Variants in CLU observed in about 807,000 individuals in gnomAD.
CLU encodes clusterin.
Under a neutral mutation model 46.4 loss-of-function variants are expected in CLU, and 25 were observed. The observed-to-expected ratio is 0.54, with a 90% CI of 0.39 to 0.75. The LOEUF (loss-of-function observed/expected upper bound fraction) is 0.75, where lower values mean the gene tolerates loss of function less well. Ranked by LOEUF, CLU falls within the 30% of genes least tolerant of loss-of-function variation. The pLI, the probability that CLU is intolerant of heterozygous loss-of-function variation, is 0.00. For missense variants in CLU, 504 were observed against 592.1 expected (o/e 0.85, Z 1.54); for synonymous variants, 235 against 235.1 (o/e 1.00, Z 0.00).
chr8:27,598,492 C>G lies in CLU; in HGVS notation c.1308G>C (p.Glu436Asp). 1 of 1,614,130 alleles carries G rather than the reference C, an allele frequency of 6.2e-7. No homozygotes were observed. The highest frequency in any genetic ancestry group is 8.5e-7 in the Non-Finnish European group (1 of 1,180,036). The change falls in exon 8 of 9, where the codon GAG becomes GAC. Residue 436 changes from glutamate (E) to aspartate (D), a missense_variant. Around this residue, in one of 3 missense-constraint regions of CLU, gnomAD observed 428 missense variants for 484.0 expected, o/e 0.88. Transcript: ENST00000316403. The stretch of plus-strand genomic sequence containing the variant: ...TTTTGCGGTATTCCTGCAGCGCTTT[C>G]TCCGCCACGGTCTCCATAAATTTAG... ...KNPKFMETVA[E>D]KALQEYRKKH... is the part of the protein sequence containing the mutation.
At chr8:27,613,823 TC>T (rs1465443535) in intron 1 of CLU, 4 of 152,230 alleles carry the variant, frequency 2.6e-5, no homozygotes, top group African/African-American at 9.7e-5. Flanking sequence ...TTCATGGGCA[TC>T]TTTTTTTATA....
At chr8:27,613,500 A>G (rs1800965313) in intron 1 of CLU, 1 of 152,224 alleles carries the variant, frequency 6.6e-6, no homozygotes, top group African/African-American at 2.4e-5. Context: ...TGAGGGTTTC[A>G]ATCCCAAAGC....
intron 1 of CLU, among the ~76,000 whole-genome samples, chr8:27,612,340 T>C (rs915739924): frequency 1.3e-5 from 2 of 152,188 alleles, no homozygotes; most frequent in Non-Finnish European, 2.9e-5. Context: ...AGTTTCTTCA[T>C]CTGTAAAATG....
chr8:27,603,205 T>C (rs1459512295), intron 6 of CLU, among the ~76,000 whole-genome samples: 1 of 152,194 alleles, frequency 6.6e-6, no homozygotes, highest in Non-Finnish European at 1.5e-5. Context: ...GACCCTAACA[T>C]GACTTTCTTG....
chr8:27,611,119 G>A, intron 1 of CLU: 1 of 439,656 alleles, frequency 2.3e-6, no homozygotes. Flanking sequence ...CCACAGCGCT[G>A]CAGCCCCCAG....
At chr8:27,611,801 A>G (rs1267089724) in intron 1 of CLU, 1 of 455,776 alleles carries the variant, frequency 2.2e-6, no homozygotes, top group Non-Finnish European at 4.4e-6. Flanking sequence ...TTCCCCAGAG[A>G]TGGGGTAGGG....
At position 27,605,165 on chromosome 8, in the gene CLU, G is replaced by A; in HGVS notation, c.588C>T (p.Phe196=). The A allele has an allele frequency of 6.2e-7, 1 of 1,614,228 alleles. No homozygotes were observed. The highest frequency in any genetic ancestry group is 8.5e-7 in the Non-Finnish European group (1 of 1,180,038). Residue 196 remains phenylalanine (F), a synonymous_variant, in exon 5 of 9, where the codon TTC becomes TTT. Transcript: ENST00000316403. ...GGTAGGTATCCTGGGGCTCCCGGGT[G>A]AAGAACCTGTCCTGGAAGAGCTCGT... is the stretch of plus-strand genomic sequence containing the variant. ...IIDELFQDRF[F]TREPQDTYHY...
At chr8:27,604,222 G>T (rs1387005789) in intron 6 of CLU, 69 bp downstream of exon 6, 1 of 1,219,072 alleles carries the variant, frequency 8.2e-7, no homozygotes, top group East Asian at 2.3e-5. Flanking sequence ...GGCAGCACCA[G>T]TGAGGCCCCA....
In CLU at chr8:27,606,587, C is replaced by T; in HGVS notation, c.247-63G>A. 4 of 1,597,846 alleles carry T rather than the reference C, an allele frequency of 2.5e-6. No individual in the cohort carries two copies. In the South Asian group the frequency reaches 4.4e-5, roughly 18 times the overall value. ...ACCACAGGCTCATGCACTCAAAGAGCTGCTGGGTGCCAGGCCCTCTGCCCC... is the reference window on the plus strand; with the variant it reads ...ACCACAGGCTCATGCACTCAAAGAGTTGCTGGGTGCCAGGCCCTCTGCCCC... On this transcript the variant is annotated intron_variant, in intron 3 of 8. Transcript: ENST00000316403.
intron 3 of CLU, 33 bp from the exon 4 acceptor site, chr8:27,606,557 C>A: frequency 6.2e-7 from 1 of 1,613,088 alleles, no homozygotes; most frequent in African/African-American, 1.3e-5. Flanking sequence ...CTGAGCCACA[C>A]AGAGACCACA....
intron 2 of CLU, 76 bp from the exon 3 acceptor site, chr8:27,609,162 C>T: frequency 6.6e-7 from 1 of 1,513,830 alleles, no homozygotes; most frequent in Non-Finnish European, 9.1e-7. Context: ...AGCTGGATGG[C>T]CAGAAAGGCC....
At chr8:27,609,205 C>G in intron 2 of CLU, 119 bp from the exon 3 acceptor site, 1 of 1,061,188 alleles carries the variant, frequency 9.4e-7, no homozygotes, top group Non-Finnish European at 1.4e-6. Context: ...GGCTGGGACC[C>G]CCACTCCTGC....
intron 8 of CLU, 91 bp from the exon 9 acceptor site, chr8:27,598,341 TCTGGCTCCGGGCGG>T: frequency 6.3e-7 from 1 of 1,598,086 alleles, no homozygotes; most frequent in Non-Finnish European, 8.6e-7. Flanking sequence ...GTTCTTGGGC[TCTGGCTCCGGGCGG>T]AGTCGTTCCC....
chr8:27,609,035 A>T lies in CLU; in HGVS notation c.149T>A (p.Val50Asp). The T allele has an allele frequency of 6.2e-7, 1 of 1,614,124 alleles. No individual in the cohort carries two copies. The highest frequency in any genetic ancestry group is 1.1e-5 in the South Asian group (1 of 91,088). Residue 50 changes from valine (V) to aspartate (D), a missense_variant, in exon 3 of 9, where the codon GTC becomes GAC. By Grantham distance (152) the Val-to-Asp change is radical. This residue lies in a region of CLU where 73 missense variants were observed against 91.2 expected (regional missense o/e 0.80). Transcript: ENST00000316403. ...AGTCTTTATCTGTTTCACCCCGTTG[A>T]CAGCATTTTGAATTTCCTTATTGAC... ...KYVNKEIQNA[V>D]NGVKQIKTLI...
In CLU at chr8:27,600,764, T is replaced by C. The variant is rs372554184; in HGVS notation, c.935-755A>G. Among the ~76,000 whole-genome samples the C allele has an allele frequency of 2.6e-5, 4 of 152,156 alleles. No homozygotes were observed. In the South Asian group the frequency reaches 8.3e-4, roughly 32 times the overall value. On this transcript the variant is annotated intron_variant, in intron 6 of 8. Transcript: ENST00000316403. ...GAATATTACTCACAGCTGCCATTCG[T>C]GTGGCACTGCCTTCGTCCCAGACAC...
chr8:27,604,726 G>A (rs927197369), intron 5 of CLU, among the ~76,000 whole-genome samples, 198 bp downstream of exon 5: 2 of 152,072 alleles, frequency 1.3e-5, no homozygotes, highest in Non-Finnish European at 2.9e-5. Context: ...TGATCCTCCC[G>A]CCTTGGCCTC....
intron 1 of CLU, chr8:27,611,377 G>A (rs911623619): frequency 6.6e-6 from 3 of 456,858 alleles, no homozygotes; most frequent in South Asian, 1.6e-5. Flanking sequence ...GCTCTGCCAG[G>A]CCCTCCACAC....
rs755660655 is a variant in CLU at position 27,598,473 on chromosome 8, G to A, written c.1327C>T (p.Arg443Cys). 40 of 1,613,824 alleles carry A rather than the reference G, an allele frequency of 2.5e-5. No homozygotes were observed. Among genetic ancestry groups the A allele is most frequent in the Non-Finnish European group, 3.2e-5 (38 of 1,180,022 alleles). ...CCGCCTGCTTACCGGTGCTTTTTGCGGTATTCCTGCAGCGCTTTCTCCGCC... is the reference window on the plus strand; with the variant it reads ...CCGCCTGCTTACCGGTGCTTTTTGCAGTATTCCTGCAGCGCTTTCTCCGCC... The part of the protein sequence containing the change: ...TVAEKALQEY[R>C]KKHREE The change falls in exon 8 of 9, where the codon CGC becomes TGC. Residue 443 changes from arginine (R) to cysteine (C), a missense_variant. By Grantham distance (180) the Arg-to-Cys change is radical. Transcript: ENST00000316403.
rs1800704486 is a variant in CLU at position 27,600,711 on chromosome 8, C to A, written c.935-702G>T. Among the ~76,000 whole-genome samples the A allele has an allele frequency of 4.6e-5, 7 of 152,242 alleles. No individual in the cohort carries two copies. In the South Asian group the frequency reaches 1.5e-3, roughly 32 times the overall value. ...TGGAGTGGCTCTCGTTGCCCTAGTC[C>A]CTCCCGGGAATCATTTCCAGAGAGG... On this transcript the variant is annotated intron_variant, in intron 6 of 8. Coordinates refer to ENST00000316403, the MANE Select transcript of CLU (RefSeq NM_001831.4).
Sources: gnomAD v4.1 joint callset for allele counts (sites outside exome capture counted in the v4.1 genomes callset) on GRCh38, gnomAD v4.1.1 for gene constraint, gnomAD v4.1.1 regional missense constraint, MANE v1.5 for transcripts, NCBI Gene and HGNC (gene_info 2026-07-23, HGNC 2026-07-21) for gene names.